MARCHF1: variants seen among roughly 807,000 people sequenced by gnomAD.
MARCHF1 encodes the protein E3 ubiquitin-protein ligase MARCHF1.
Under a neutral mutation model 54.2 loss-of-function variants are expected in MARCHF1, and 40 were observed. The ratio of observed to expected loss-of-function variants is 0.74; its 90% CI spans 0.57 to 0.96. The LOEUF is 0.96. Ranked by LOEUF, MARCHF1 falls within the 40% of genes least tolerant of loss-of-function variation. The pLI is 0.00. For synonymous variants in MARCHF1, 236 were observed against 236.3 expected, an observed-to-expected ratio of 1.00 and a Z score of 0.01; for missense variants, 586 against 656.5, an observed-to-expected ratio of 0.89 and a Z score of 1.17.
chr4:163,834,521 A>T (rs1427726325), intron 4 of MARCHF1, among the ~76,000 whole-genome samples: 1 of 151,888 alleles, frequency 6.6e-6, no homozygotes, highest in East Asian at 1.9e-4. Context: ...TTACATATGT[A>T]TACATGTGTC....
intron 1 of MARCHF1, among the ~76,000 whole-genome samples, chr4:164,284,324 GAGAGAGAGAC>G (rs530749249): frequency 0.01 from 1,335 of 128,720 alleles, 27 homozygotes; most frequent in Middle Eastern, 0.027. Context: ...GAAAGTGAGA[GAGAGAGAGAC>G]AGAGAGAGAG....
At chr4:164,262,163 C>T (rs910372252) in intron 1 of MARCHF1, among the ~76,000 whole-genome samples, 1 of 148,778 alleles carries the variant, frequency 6.7e-6, no homozygotes, top group Non-Finnish European at 1.5e-5. Context: ...TCTTATTTAT[C>T]ATGTTCACCT....
chr4:164,304,472 TAG>T (rs1473647142), intron 1 of MARCHF1, among the ~76,000 whole-genome samples: 2 of 152,202 alleles, frequency 1.3e-5, no homozygotes, highest in Non-Finnish European at 2.9e-5. Context: ...TGAAACTATT[TAG>T]AGTCAGAATA....
At chr4:163,677,282 T>C (rs1439536905) in intron 5 of MARCHF1, among the ~76,000 whole-genome samples, 7 of 151,902 alleles carry the variant, frequency 4.6e-5, no homozygotes, top group African/African-American at 1.7e-4. Flanking sequence ...TCCCCCGTTA[T>C]CAGAATAAAA....
chr4:164,033,726 C>T (rs1052449742), intron 2 of MARCHF1, among the ~76,000 whole-genome samples: 1 of 152,132 alleles, frequency 6.6e-6, no homozygotes, highest in Non-Finnish European at 1.5e-5. Context: ...CAATTAGATA[C>T]CATCTCATGC....
chr4:164,364,337 T>C (rs1322518210), intron 1 of MARCHF1, among the ~76,000 whole-genome samples: 1 of 152,102 alleles, frequency 6.6e-6, no homozygotes, highest in Non-Finnish European at 1.5e-5. Context: ...GATTTCTTTC[T>C]GAAATTTAGA....
chr4:163,865,619 A>G (rs1750030383), intron 3 of MARCHF1, among the ~76,000 whole-genome samples: 1 of 151,888 alleles, frequency 6.6e-6, no homozygotes, highest in Non-Finnish European at 1.5e-5. Context: ...TTACCTATAA[A>G]GTGTGTATGA....
intron 3 of MARCHF1, among the ~76,000 whole-genome samples, chr4:163,911,958 A>T (rs1351378204): frequency 6.6e-6 from 1 of 152,178 alleles, no homozygotes; most frequent in Non-Finnish European, 1.5e-5. Flanking sequence ...TAGCGCTAGT[A>T]CATAAATAGA....
chr4:164,316,067 C>T (rs911879264), intron 1 of MARCHF1, among the ~76,000 whole-genome samples: 10 of 151,928 alleles, frequency 6.6e-5, no homozygotes, highest in African/African-American at 1.9e-4. Context: ...TGGGTTATTG[C>T]GCTGACAAAA....
At chr4:163,707,436 C>T (rs778872332) in intron 4 of MARCHF1, among the ~76,000 whole-genome samples, 32 of 151,942 alleles carry the variant, frequency 2.1e-4, no homozygotes, top group Non-Finnish European at 3.4e-4. Flanking sequence ...AAAGGAATTA[C>T]ATATTGTCAA....
intron 1 of MARCHF1, among the ~76,000 whole-genome samples, chr4:164,351,670 A>G (rs1456673147): frequency 6.6e-6 from 1 of 152,036 alleles, no homozygotes; most frequent in Non-Finnish European, 1.5e-5. Context: ...AAAAAACAGA[A>G]CAGAAAAACT....
At chr4:164,051,028 T>C (rs891800965) in intron 2 of MARCHF1, among the ~76,000 whole-genome samples, 1 of 152,170 alleles carries the variant, frequency 6.6e-6, no homozygotes, top group Non-Finnish European at 1.5e-5. Context: ...GCATTCCTAC[T>C]TCCTCCCTTG....
At chr4:163,743,551 C>T (rs1746269677) in intron 4 of MARCHF1, among the ~76,000 whole-genome samples, 1 of 149,572 alleles carries the variant, frequency 6.7e-6, no homozygotes, top group Admixed American at 6.6e-5. Flanking sequence ...ATTAAATTAA[C>T]AAGCAATGGA....
chr4:164,269,425 A>G (rs955344657), intron 1 of MARCHF1, among the ~76,000 whole-genome samples: 3 of 151,894 alleles, frequency 2.0e-5, no homozygotes, highest in Non-Finnish European at 4.4e-5. Flanking sequence ...CTTGTGACCA[A>G]TGATGTTTGT....
chr4:163,863,309 C>A (rs769825137), intron 3 of MARCHF1, among the ~76,000 whole-genome samples: 1 of 152,046 alleles, frequency 6.6e-6, no homozygotes, highest in African/African-American at 2.4e-5. Context: ...GAAAGGAGTG[C>A]AGTCTGAAAG....
chr4:163,866,536 A>G (rs1419860085), intron 3 of MARCHF1, among the ~76,000 whole-genome samples: 1 of 145,122 alleles, frequency 6.9e-6, no homozygotes, highest in Non-Finnish European at 1.5e-5. Flanking sequence ...TGAATTATAT[A>G]TTATTCAAAT....
intron 8 of MARCHF1, among the ~76,000 whole-genome samples, chr4:163,558,147 G>A (rs987804162): frequency 6.6e-6 from 1 of 152,158 alleles, no homozygotes; most frequent in Non-Finnish European, 1.5e-5. Flanking sequence ...CACAGGTGAG[G>A]GGGGAAGAGT....
intron 1 of MARCHF1, among the ~76,000 whole-genome samples, chr4:164,140,322 A>G (rs1219634762): frequency 4.6e-5 from 7 of 151,900 alleles, no homozygotes; most frequent in African/African-American, 9.7e-5. Context: ...AAACAAAAAA[A>G]TCAACCCTCA....
chr4:164,261,282 GA>G (rs1018661541), intron 1 of MARCHF1, among the ~76,000 whole-genome samples: 1 of 151,942 alleles, frequency 6.6e-6, no homozygotes, highest in African/African-American at 2.4e-5. Context: ...GGAGCCCTAG[GA>G]AAATAATTCA....
Sources: gnomAD v4.1 joint callset for allele counts (sites outside exome capture counted in the v4.1 genomes callset) on GRCh38, gnomAD v4.1.1 for gene constraint, MANE v1.5 for transcripts, NCBI Gene and HGNC (gene_info 2026-07-23, HGNC 2026-07-21) for gene names.